OXCT1: variants seen among roughly 807,000 people sequenced by gnomAD.
OXCT1 encodes succinyl-CoA:3-ketoacid coenzyme A transferase 1, mitochondrial.
OXCT1 carries 27 observed loss-of-function variants against 69.6 expected under a neutral mutation model. That is an observed-to-expected ratio of 0.39 (90% CI 0.29 to 0.54). The LOEUF (loss-of-function observed/expected upper bound fraction) is 0.54, where lower values mean the gene tolerates loss of function less well. Among genes scored for constraint, OXCT1 ranks in the 20% least tolerant of loss-of-function variants. The pLI, the probability that OXCT1 is intolerant of heterozygous loss-of-function variation, is 0.72. For missense variants in OXCT1, 437 were observed against 650.2 expected, an observed-to-expected ratio of 0.67 and a Z score of 3.57; for synonymous variants, 202 against 217.8, an observed-to-expected ratio of 0.93 and a Z score of 0.64.
At chr5:41,835,511 C>A (rs1485684742) in intron 7 of OXCT1, among the ~76,000 whole-genome samples, 1 of 152,162 alleles carries the variant, frequency 6.6e-6, no homozygotes, top group East Asian at 1.9e-4. Flanking sequence ...CACCGATATT[C>A]AATTTATATT....
At chr5:41,818,316 G>A (rs1439857631) in intron 7 of OXCT1, among the ~76,000 whole-genome samples, 1 of 152,180 alleles carries the variant, frequency 6.6e-6, no homozygotes, top group Non-Finnish European at 1.5e-5. Flanking sequence ...AATGTCAAGG[G>A]CAAAGGGTAG....
chr5:41,795,902 A>G (rs1296603904), intron 11 of OXCT1, among the ~76,000 whole-genome samples: 2 of 152,142 alleles, frequency 1.3e-5, no homozygotes, highest in African/African-American at 4.8e-5. Context: ...TAAAATTAGA[A>G]AACACATATA....
At chr5:41,736,816 G>A (rs186845552) in intron 16 of OXCT1, among the ~76,000 whole-genome samples, 17 of 152,256 alleles carry the variant, frequency 1.1e-4, no homozygotes, top group African/African-American at 3.6e-4. Flanking sequence ...CCAGTTGAAG[G>A]CTGAGTTCTA....
chr5:41,735,267 AAAG>A (rs1363390388), intron 16 of OXCT1, among the ~76,000 whole-genome samples: 1 of 152,226 alleles, frequency 6.6e-6, no homozygotes, highest in Non-Finnish European at 1.5e-5. Context: ...ACAGCCTTAA[AAAG>A]AAGATAATCC....
At chr5:41,824,325 T>A (rs1467603821) in intron 7 of OXCT1, among the ~76,000 whole-genome samples, 2 of 152,220 alleles carry the variant, frequency 1.3e-5, no homozygotes, top group African/African-American at 4.8e-5. Context: ...ATTATTAGGC[T>A]ATATATCTCC....
intron 14 of OXCT1, among the ~76,000 whole-genome samples, chr5:41,753,429 C>G (rs1207964180): frequency 1.3e-5 from 2 of 152,124 alleles, no homozygotes; most frequent in Non-Finnish European, 2.9e-5. Flanking sequence ...GATTTGCCTG[C>G]TCCTAAAAAG....
chr5:41,849,530 T>C (rs561595094), intron 5 of OXCT1, among the ~76,000 whole-genome samples: 1 of 152,274 alleles, frequency 6.6e-6, no homozygotes, highest in South Asian at 2.1e-4. Context: ...CATCAAAAGC[T>C]CAAATGTGTC....
chr5:41,852,139 T>C (rs1211241941), intron 4 of OXCT1, among the ~76,000 whole-genome samples: 1 of 152,230 alleles, frequency 6.6e-6, no homozygotes, highest in Non-Finnish European at 1.5e-5. Flanking sequence ...CTTCTGTTGT[T>C]TAAGCCACCA....
intron 14 of OXCT1, among the ~76,000 whole-genome samples, chr5:41,758,408 C>G (rs1744186884): frequency 6.6e-6 from 1 of 152,092 alleles, no homozygotes; most frequent in African/African-American, 2.4e-5. Context: ...TAAGGAGCCA[C>G]TGAGTGAAAA....
intron 15 of OXCT1, among the ~76,000 whole-genome samples, chr5:41,743,724 TATTA>T: frequency 6.6e-6 from 1 of 152,310 alleles, no homozygotes; most frequent in East Asian, 1.9e-4. Flanking sequence ...CAGCACCATT[TATTA>T]AATAGGGAAT....
intron 7 of OXCT1, among the ~76,000 whole-genome samples, chr5:41,827,323 C>T (rs529697689): frequency 1.3e-5 from 2 of 152,250 alleles, no homozygotes; most frequent in East Asian, 3.9e-4. Context: ...AGGACTTAAT[C>T]CAAGTCTTCC....
chr5:41,846,603 T>C (rs1453084398), intron 5 of OXCT1, among the ~76,000 whole-genome samples: 17 of 152,266 alleles, frequency 1.1e-4, no homozygotes, highest in Non-Finnish European at 2.2e-4. Flanking sequence ...CGTGTGCATG[T>C]GTCTTTAAAG....
In OXCT1 at chr5:41,748,758, T is replaced by C. The variant is rs183717704; in HGVS notation, c.1419+769A>G. ...AGTCAGATTAATGCCAAGACACTAA[T>C]GCTATTGTTCTTGGCAAATGGAACA... On this transcript the variant is annotated intron_variant, in intron 15 of 16. Transcript: ENST00000196371. 1.9e-3 allele frequency among the ~76,000 whole-genome samples: 293 copies of C among 152,170 alleles called. 1 individual carries two copies. The highest frequency in any genetic ancestry group is 1.9e-3 in the Non-Finnish European group (130 of 67,980).
intron 13 of OXCT1, among the ~76,000 whole-genome samples, chr5:41,780,530 ATT>A (rs1457729194): frequency 5.9e-5 from 9 of 152,230 alleles, no homozygotes; most frequent in African/African-American, 9.6e-5. Flanking sequence ...TACTATTTAC[ATT>A]GTTTTAATGA....
chr5:41,802,854 A>G (rs1376518903), intron 10 of OXCT1, among the ~76,000 whole-genome samples: 1 of 152,098 alleles, frequency 6.6e-6, no homozygotes, highest in African/African-American at 2.4e-5. Flanking sequence ...AAAGAAAAAT[A>G]AGCTTGGGCA....
intron 7 of OXCT1, 27 bp from the exon 8 acceptor site, chr5:41,807,465 G>T: frequency 7.8e-7 from 1 of 1,283,148 alleles, no homozygotes; most frequent in Non-Finnish European, 1.1e-6. Flanking sequence ...TTCTTTCAAA[G>T]TTAGTGAAAG....
At chr5:41,827,795 G>A (rs1345428038) in intron 7 of OXCT1, among the ~76,000 whole-genome samples, 1 of 152,140 alleles carries the variant, frequency 6.6e-6, no homozygotes, top group Admixed American at 6.5e-5. Flanking sequence ...AAAAAGAAAA[G>A]AGAGAGCTAC....
At chr5:41,842,642 T>TA in intron 6 of OXCT1, 33 bp downstream of exon 6, 1 of 1,397,372 alleles carries the variant, frequency 7.2e-7, no homozygotes, top group Non-Finnish European at 1.0e-6. Context: ...GAGTTGCTGA[T>TA]ATGCACGAGT....
chr5:41,834,627 A>C (rs1748267143), intron 7 of OXCT1, among the ~76,000 whole-genome samples: 1 of 152,182 alleles, frequency 6.6e-6, no homozygotes. Flanking sequence ...AAGAGGATAC[A>C]ATGATTATAA....
Sources: allele counts gnomAD v4.1 joint callset (sites outside exome capture counted in the v4.1 genomes callset), GRCh38; gene constraint gnomAD v4.1.1; transcripts MANE v1.5; gene names NCBI Gene and HGNC (gene_info 2026-07-23, HGNC 2026-07-21).